The following USH2A variants were observed in gnomAD, a reference collection of about 807,000 sequenced individuals.
USH2A encodes the protein Usher syndrome 2A (autosomal recessive, mild).
A neutral mutation model predicts 538.9 loss-of-function variants in USH2A; 443 were observed. That is an observed-to-expected ratio of 0.82 (90% CI 0.76 to 0.89). The LOEUF (loss-of-function observed/expected upper bound fraction) is 0.89. Ranked by LOEUF, USH2A falls within the 40% of genes least tolerant of loss-of-function variation. The pLI is 0.00. For missense variants in USH2A, 6,633 were observed against 6,324.8 expected, an observed-to-expected ratio of 1.05 and a Z score of -1.65; for synonymous variants, 2,413 against 2,273.5, an observed-to-expected ratio of 1.06 and a Z score of -1.75.
intron 60 of USH2A, among the ~76,000 whole-genome samples, chr1:215,730,870 T>C (rs899264726): frequency 1.3e-5 from 2 of 152,182 alleles, no homozygotes; most frequent in African/African-American, 4.8e-5. Context: ...GTTTGGCCTT[T>C]GTACTTGCTA....
intron 70 of USH2A, among the ~76,000 whole-genome samples, chr1:215,632,760 G>A (rs2102629132): frequency 1.3e-5 from 2 of 152,244 alleles, no homozygotes; most frequent in Middle Eastern, 6.8e-3. Context: ...TCCAGCAGCA[G>A]TGCACCTTCT....
intron 4 of USH2A, among the ~76,000 whole-genome samples, chr1:216,347,054 A>C (rs1260245690): frequency 2.0e-5 from 3 of 152,096 alleles, no homozygotes; most frequent in Non-Finnish European, 4.4e-5. Flanking sequence ...ATTTGGTCTA[A>C]ATTAGGCAGG....
chr1:215,888,223 A>G lies in USH2A; in HGVS notation c.8223+203T>C, dbSNP rs6682313. Reference sequence around the variant, plus strand: ...AGGCAAATGGAAGCATCTCAACAATATAATTAAGGGGATACAGGGATAAAT... The same window carrying G: ...AGGCAAATGGAAGCATCTCAACAATGTAATTAAGGGGATACAGGGATAAAT... On this transcript the variant is annotated intron_variant, in intron 41 of 71. Coordinates refer to ENST00000307340, the MANE Select transcript of USH2A (RefSeq NM_206933.4). Among the ~76,000 whole-genome samples, 16,262 of 152,278 alleles carry G rather than the reference A, an allele frequency of 0.11. 1,105 individuals are homozygous for G. The highest frequency in any genetic ancestry group is 0.18 in the African/African-American group (7,598 of 41,522).
chr1:216,357,043 G>A (rs1421537706), intron 4 of USH2A, among the ~76,000 whole-genome samples: 5 of 151,954 alleles, frequency 3.3e-5, no homozygotes, highest in South Asian at 2.1e-4. Context: ...ACATGGTATC[G>A]TGCTAATAAA....
At chr1:216,363,020 A>G (rs898543000) in intron 4 of USH2A, among the ~76,000 whole-genome samples, 5 of 151,872 alleles carry the variant, frequency 3.3e-5, no homozygotes, top group African/African-American at 1.2e-4. Flanking sequence ...TATAGCATAT[A>G]TGTTATCTTC....
intron 64 of USH2A, among the ~76,000 whole-genome samples, chr1:215,658,173 G>T (rs1485496211): frequency 6.6e-6 from 1 of 151,746 alleles, no homozygotes; most frequent in Non-Finnish European, 1.5e-5. Flanking sequence ...CTGACCTCGT[G>T]ATCCGCCCGC....
At chr1:215,995,927 G>C (rs1323529868) in intron 34 of USH2A, among the ~76,000 whole-genome samples, 1 of 151,552 alleles carries the variant, frequency 6.6e-6, no homozygotes, top group Non-Finnish European at 1.5e-5. Flanking sequence ...TTTTGTTGTT[G>C]TTGAGATGGA....
At chr1:215,767,910 G>GA (rs969013936) in intron 55 of USH2A, among the ~76,000 whole-genome samples, 1 of 152,000 alleles carries the variant, frequency 6.6e-6, no homozygotes, top group Admixed American at 6.6e-5. Context: ...CTCTCTTTGA[G>GA]AAAAAAATAG....
intron 9 of USH2A, among the ~76,000 whole-genome samples, chr1:216,315,206 T>TA (rs2037484584): frequency 6.6e-6 from 1 of 152,180 alleles, no homozygotes. Flanking sequence ...ACCTATGAGC[T>TA]TAATATATAC....
At chr1:216,298,372 A>C (rs987076804) in intron 9 of USH2A, among the ~76,000 whole-genome samples, 1 of 152,214 alleles carries the variant, frequency 6.6e-6, no homozygotes, top group Non-Finnish European at 1.5e-5. Flanking sequence ...ATCTTTAAAA[A>C]ATCTAATTTC....
Position 216,327,620 on chromosome 1 carries a change from A to G in USH2A, c.819T>C (p.Phe273=). ...TTGTAAGTGCCACTTGGTATAATCG[A>G]AAATCTTGCATTCTTCCGACAAACT... ...LEQFVGRMQD[F]RLYQVALTNR... Residue 273 remains phenylalanine (F), a synonymous_variant, in exon 5 of 72, where the codon TTT becomes TTC. Coordinates refer to ENST00000307340, the MANE Select transcript of USH2A (RefSeq NM_206933.4). The G allele has an allele frequency of 6.2e-7, 1 of 1,613,290 alleles. No individual in the cohort carries two copies. The highest frequency in any genetic ancestry group is 8.5e-7 in the Non-Finnish European group (1 of 1,179,520).
At chr1:215,760,655 G>A (rs1484840289) in intron 56 of USH2A, among the ~76,000 whole-genome samples, 1 of 152,062 alleles carries the variant, frequency 6.6e-6, no homozygotes, top group African/African-American at 2.4e-5. Context: ...TCCCAATCTT[G>A]TCCATCTATC....
At chr1:216,383,398 C>G (rs950182667) in intron 3 of USH2A, among the ~76,000 whole-genome samples, 2 of 152,146 alleles carry the variant, frequency 1.3e-5, no homozygotes, top group African/African-American at 4.8e-5. Flanking sequence ...TGAAAGGATA[C>G]TCAATGAGTA....
intron 56 of USH2A, 131 bp downstream of exon 56, chr1:215,766,550 G>T: frequency 1.2e-6 from 1 of 857,216 alleles, no homozygotes; most frequent in Non-Finnish European, 1.9e-6. Context: ...TGGGAACCTA[G>T]AATGCTATTT....
At chr1:215,868,931 C>T (rs553921420) in intron 43 of USH2A, among the ~76,000 whole-genome samples, 13 of 152,252 alleles carry the variant, frequency 8.5e-5, no homozygotes, top group Non-Finnish European at 1.8e-4. Context: ...ATATCCAGAC[C>T]TGTGAGAGAA....
At chr1:215,843,544 G>A (rs1426440956) in intron 46 of USH2A, among the ~76,000 whole-genome samples, 5 of 152,062 alleles carry the variant, frequency 3.3e-5, no homozygotes, top group Admixed American at 3.3e-4. Flanking sequence ...TGCACTTTCT[G>A]AAATTATGTG....
intron 44 of USH2A, among the ~76,000 whole-genome samples, chr1:215,859,016 C>T (rs1304523439): frequency 6.6e-6 from 1 of 152,082 alleles, no homozygotes; most frequent in African/African-American, 2.4e-5. Context: ...GCTGAGTTTT[C>T]CCATGCTTTT....
intron 21 of USH2A, among the ~76,000 whole-genome samples, chr1:216,138,729 C>A (rs1003553804): frequency 1.3e-5 from 2 of 152,208 alleles, no homozygotes; most frequent in Middle Eastern, 6.8e-3. Flanking sequence ...GGGCAGAATA[C>A]CCTTTTTCTG....
At chr1:215,782,599 A>C (rs1285346710) in intron 53 of USH2A, 139 bp downstream of exon 53, 1 of 934,530 alleles carries the variant, frequency 1.1e-6, no homozygotes. Flanking sequence ...TAGTTGTCAC[A>C]TAATTACAGT....
Sources: allele counts gnomAD v4.1 joint callset (sites outside exome capture counted in the v4.1 genomes callset), GRCh38; gene constraint gnomAD v4.1.1; transcripts MANE v1.5; gene names NCBI Gene and HGNC (gene_info 2026-07-23, HGNC 2026-07-21).